Variants in SSX7 observed in about 807,000 individuals in gnomAD.
The protein encoded by SSX7 is SSX family member 7, also known as protein SSX7.
Under a neutral mutation model 14.7 loss-of-function variants are expected in SSX7, and 15 were observed. The ratio of observed to expected loss-of-function variants is 1.02; its 90% confidence interval spans 0.68 to 1.58. The LOEUF is 1.58. SSX7 is among the 40% of genes most tolerant of loss of function. The pLI, the probability that SSX7 is intolerant of heterozygous loss-of-function variation, is 0.00. For missense variants in SSX7, 178 were observed against 146.8 expected (o/e 1.21, Z -1.10); for synonymous variants, 46 against 50.6 (o/e 0.91, Z 0.38).
chrX:52,644,556 A>G lies in SSX7; in HGVS notation c.*119T>C. 1 of 1,093,034 alleles carries G rather than the reference A, an allele frequency of 9.1e-7. No individual in the cohort carries two copies. The highest frequency in any genetic ancestry group is 1.8e-5 in the African/African-American group (1 of 55,353). The allele number at this position is 1,093,034 out of a possible 1,213,427, so 90.1% of individuals were successfully genotyped here. A position where few individuals can be genotyped will look rare whatever the true frequency, so the allele number is the denominator to read the frequency against. ...GACGCTCAACTTTTCACTGTTGTGA[A>G]CACTTGCTTTCACTTGCTATGCACC... On this transcript the variant is annotated 3_prime_UTR_variant, in exon 8 of 8. Transcript: ENST00000298181.
intron 1 of SSX7, among the ~76,000 whole-genome samples, chrX:52,654,290 G>A (rs150868315): frequency 4.9e-3 from 536 of 109,136 alleles, no homozygotes; most frequent in African/African-American, 0.017. Context: ...TAACAGAAGC[G>A]GAGTGGTGTG....
chrX:52,650,468 A>C (rs1876329752), intron 4 of SSX7, 66 bp from the exon 5 acceptor site: 2 of 1,088,465 alleles, frequency 1.8e-6, no homozygotes, highest in Non-Finnish European at 2.5e-6. Flanking sequence ...AGACTTCTGT[A>C]GCATCAGGGT....
chrX:52,645,128 G>C (rs782615540), intron 7 of SSX7, among the ~76,000 whole-genome samples: 1 of 110,680 alleles, frequency 9.0e-6, no homozygotes, highest in African/African-American at 3.3e-5. Context: ...AAAATTACCC[G>C]GGCGTGGTGG....
At chrX:52,649,868 C>T (rs2146496648) in intron 5 of SSX7, among the ~76,000 whole-genome samples, 1 of 112,505 alleles carries the variant, frequency 8.9e-6, no homozygotes, top group African/African-American at 3.2e-5. Context: ...TAGACTACCA[C>T]TGCCACTGTG....
Position 52,653,123 on chromosome X carries a change from T to C in SSX7, c.70-139A>G, listed in dbSNP as rs1404674897. Reference sequence around the variant, plus strand: ...AACCGACAACATGAGCGACCTTTCCTAGCTTCACCCCTGCCACACAGTAGG... The same window carrying C: ...AACCGACAACATGAGCGACCTTTCCCAGCTTCACCCCTGCCACACAGTAGG... On this transcript the variant is annotated intron_variant, in intron 2 of 7. Transcript: ENST00000298181. 13 of 1,168,603 alleles carry C rather than the reference T, an allele frequency of 1.1e-5. No individual in the cohort carries two copies. In the Admixed American group the frequency reaches 3.1e-4, roughly 28 times the overall value.
intron 1 of SSX7, among the ~76,000 whole-genome samples, chrX:52,654,323 G>A (rs1328686694): frequency 2.8e-5 from 3 of 107,503 alleles, no homozygotes; most frequent in East Asian, 2.9e-4. Context: ...CAAGGCCTAC[G>A]CGAGAGGATC....
chrX:52,648,524 G>A, intron 5 of SSX7, 128 bp from the exon 6 acceptor site: 3 of 1,016,399 alleles, frequency 3.0e-6, no homozygotes, highest in Non-Finnish European at 4.0e-6. Context: ...AGTTACACAT[G>A]CCTAAATTAG....
At chrX:52,653,026 A>G in intron 2 of SSX7, 42 bp from the exon 3 acceptor site, 1 of 1,188,371 alleles carries the variant, frequency 8.4e-7, no homozygotes, top group Non-Finnish European at 1.1e-6. Context: ...TGACTCAGCT[A>G]GACATGTCTG....
At chrX:52,651,853 C>G (rs1925442051) in intron 4 of SSX7, among the ~76,000 whole-genome samples, 1 of 110,604 alleles carries the variant, frequency 9.0e-6, no homozygotes, top group South Asian at 3.9e-4. Context: ...CTACCCTGGC[C>G]GAGAAGAGTG....
Position 52,652,246 on chromosome X carries a change from A to T in SSX7, c.280+6T>A. 1 of 1,191,769 alleles carries T rather than the reference A, an allele frequency of 8.4e-7. No individual in the cohort carries two copies. Among genetic ancestry groups the T allele is most frequent in the African/African-American group, 1.8e-5 (1 of 56,725 alleles). ...GACCCTTTCCAGCCCCTTCCCGTCTACTCACCCTGATTCCCTTGGTTACGG... is the reference window on the plus strand; with the variant it reads ...GACCCTTTCCAGCCCCTTCCCGTCTTCTCACCCTGATTCCCTTGGTTACGG... On this transcript the variant is annotated splice_donor_region_variant and intron_variant, in intron 4 of 7. Coordinates refer to ENST00000298181, the MANE Select transcript of SSX7 (RefSeq NM_173358.2).
chrX:52,648,441 C>G, intron 5 of SSX7, 45 bp from the exon 6 acceptor site: 3 of 1,202,775 alleles, frequency 2.5e-6, no homozygotes, highest in Non-Finnish European at 3.4e-6. Context: ...AGTGACATTT[C>G]TATAGTGCTT....
At chrX:52,647,392 T>A (rs1365349628) in intron 6 of SSX7, among the ~76,000 whole-genome samples, 1 of 112,583 alleles carries the variant, frequency 8.9e-6, no homozygotes, top group South Asian at 3.7e-4. Context: ...AGGAGATGCC[T>A]TCTAGGACTT....
chrX:52,647,188 T>G (rs1925278209), intron 6 of SSX7, among the ~76,000 whole-genome samples: 1 of 111,879 alleles, frequency 8.9e-6, no homozygotes, highest in African/African-American at 3.2e-5. Context: ...GAGAAATGTG[T>G]GAAGCTAGCA....
At position 52,644,658 on chromosome X, in the gene SSX7, C is replaced by G. The variant is rs1422283786; in HGVS notation, c.*17G>C. The G allele has an allele frequency of 1.6e-5, 19 of 1,194,177 alleles. No homozygotes were observed. The highest frequency in any genetic ancestry group is 4.4e-5 in the Admixed American group (2 of 45,629). On this transcript the variant is annotated 3_prime_UTR_variant, in exon 8 of 8. Transcript: ENST00000298181. ...TCTGCTTCTCATCATGGGCATATGT[C>G]GTATCCCCGAGGCTGAGGCAAGAAG...
At chrX:52,646,221 G>A (rs1452547325) in intron 6 of SSX7, among the ~76,000 whole-genome samples, 3 of 110,954 alleles carry the variant, frequency 2.7e-5, no homozygotes, top group East Asian at 2.8e-4. Flanking sequence ...ATGTCACCAC[G>A]CCTGGCTAAT....
intron 6 of SSX7, 28 bp downstream of exon 6, chrX:52,648,233 G>A: frequency 6.6e-6 from 8 of 1,203,075 alleles, no homozygotes; most frequent in Non-Finnish European, 9.0e-6. Flanking sequence ...GAAGCCAGAG[G>A]GTTTGTTCCC....
chrX:52,647,243 T>A (rs1406784416), intron 6 of SSX7, among the ~76,000 whole-genome samples: 2 of 112,127 alleles, frequency 1.8e-5, no homozygotes, highest in African/African-American at 3.2e-5. Context: ...TCTCCATAAC[T>A]TAAAAGTGCA....
intron 3 of SSX7, among the ~76,000 whole-genome samples, chrX:52,652,669 G>A (rs1224290744): frequency 1.8e-5 from 2 of 110,782 alleles, no homozygotes; most frequent in African/African-American, 3.3e-5. Context: ...GCAGGATCCA[G>A]GTATGAGCTC....
At chrX:52,650,710 T>C (rs1925400034) in intron 4 of SSX7, among the ~76,000 whole-genome samples, 1 of 112,434 alleles carries the variant, frequency 8.9e-6, no homozygotes, top group African/African-American at 3.2e-5. Context: ...ATCTGAACTG[T>C]ATCCACTCAA....
Sources: allele counts gnomAD v4.1 joint callset (sites outside exome capture counted in the v4.1 genomes callset), GRCh38; gene constraint gnomAD v4.1.1; transcripts MANE v1.5; gene names NCBI Gene and HGNC (gene_info 2026-07-23, HGNC 2026-07-21).